The following TBC1D31 variants were observed in gnomAD, a reference collection of about 807,000 sequenced individuals.
The protein encoded by TBC1D31 is TBC1 domain family member 31.
A neutral mutation model predicts 132.9 loss-of-function variants in TBC1D31; 99 were observed. The observed-to-expected ratio is 0.74, with a 90% CI of 0.63 to 0.88. The LOEUF is 0.88. TBC1D31 is among the 40% of genes least tolerant of loss of function. The probability of loss-of-function intolerance (pLI) is 0.00; values close to 1 mark genes in which losing one functional copy is unlikely to be tolerated. For missense variants in TBC1D31, 1,134 were observed against 1,256.6 expected (o/e 0.90, Z 1.48); for synonymous variants, 385 against 419.4 (o/e 0.92, Z 1.00).
chr8:123,163,706 T>TG, the TBC1D31 span, among the ~76,000 whole-genome samples: 1 of 152,196 alleles, frequency 6.6e-6, no homozygotes, highest in African/African-American at 2.4e-5. Context: ...TCAATACCTT[T>TG]GGGGGGTACA....
chr8:123,101,101 A>C, intron 7 of TBC1D31, 94 bp downstream of exon 7: 1 of 945,804 alleles, frequency 1.1e-6, no homozygotes, highest in Non-Finnish European at 1.6e-6. Flanking sequence ...TTTCTAACTT[A>C]CCTGGAACTT....
At chr8:123,126,320 A>G in intron 12 of TBC1D31, 131 bp downstream of exon 12, 1 of 1,293,772 alleles carries the variant, frequency 7.7e-7, no homozygotes, top group Middle Eastern at 2.5e-4. Flanking sequence ...ACAGTATTCC[A>G]TTCTTTTTCT....
Position 123,126,598 on chromosome 8 carries a change from C to T in TBC1D31, c.1795C>T (p.His599Tyr). The T allele has an allele frequency of 6.2e-7, 1 of 1,613,854 alleles. No homozygotes were observed. Among genetic ancestry groups the T allele is most frequent in the Non-Finnish European group, 8.5e-7 (1 of 1,179,870 alleles). ...ATTGTTCGATAATATCTTTTCCAAC[C>T]ATCCTTCCTTCCTTCTGATGACTGT... ...LKLFDNIFSN[H>Y]PSFLLMTVVA... The change falls in exon 13 of 22, where the codon CAT becomes TAT. Residue 599 changes from histidine to tyrosine, a missense_variant. Coordinates refer to ENST00000287380, the MANE Select transcript of TBC1D31 (RefSeq NM_145647.4).
chr8:123,130,701 A>G (rs1294706231), intron 16 of TBC1D31, among the ~76,000 whole-genome samples: 1 of 149,660 alleles, frequency 6.7e-6, no homozygotes, highest in East Asian at 2.0e-4. Flanking sequence ...AGCTCAGTGC[A>G]ACCTCCGCCT....
intron 13 of TBC1D31, among the ~76,000 whole-genome samples, chr8:123,127,261 A>ATTTTTTTTTTTTTT (rs35198781): frequency 2.9e-5 from 2 of 69,924 alleles, no homozygotes; most frequent in African/African-American, 1.2e-4. Context: ...TGCTTTTTGC[A>ATTTTTTTTTTTTTT]TTTTTTTTTT....
At chr8:123,086,399 G>T (rs1016236430) in intron 4 of TBC1D31, among the ~76,000 whole-genome samples, 1 of 151,798 alleles carries the variant, frequency 6.6e-6, no homozygotes, top group Non-Finnish European at 1.5e-5. Flanking sequence ...ACAAAGACAC[G>T]GGGTCTGGAG....
intron 3 of TBC1D31, 97 bp from the exon 4 acceptor site, chr8:123,084,065 C>T: frequency 9.7e-7 from 1 of 1,026,734 alleles, no homozygotes; most frequent in South Asian, 1.5e-5. Context: ...TAATACCTAA[C>T]CACCCATTGC....
chr8:123,158,892 A>C, the TBC1D31 span, among the ~76,000 whole-genome samples: 3 of 152,020 alleles, frequency 2.0e-5, no homozygotes, highest in Non-Finnish European at 4.4e-5. Context: ...CCAGACCCGG[A>C]GACTGACACC....
chr8:123,153,851 A>T (rs1341257296), downstream of TBC1D31, among the ~76,000 whole-genome samples: 2 of 152,172 alleles, frequency 1.3e-5, no homozygotes, highest in African/African-American at 4.8e-5. Context: ...TATTTATTAC[A>T]TCCATAAAGT....
At chr8:123,152,627 T>G (rs11997694), downstream of TBC1D31, among the ~76,000 whole-genome samples, 5,232 of 152,220 alleles carry the variant, frequency 0.034, 297 homozygotes, top group African/African-American at 0.12. Flanking sequence ...TCCCAGCACT[T>G]TGGGAGGCTG....
intron 1 of TBC1D31, chr8:123,074,919 T>G (rs146923303): frequency 4.8e-4 from 73 of 152,372 alleles, no homozygotes; most frequent in African/African-American, 1.6e-3. Context: ...TGAGGAACTC[T>G]GTCAGGCAAT....
chr8:123,127,619 T>C (rs573168418), intron 13 of TBC1D31, among the ~76,000 whole-genome samples: 172 of 152,320 alleles, frequency 1.1e-3, no homozygotes, highest in Non-Finnish European at 2.1e-3. Flanking sequence ...TCTGTTATTC[T>C]GTGCATAATC....
chr8:123,158,111 C>A, the TBC1D31 span, among the ~76,000 whole-genome samples: 1 of 149,452 alleles, frequency 6.7e-6, no homozygotes, highest in African/African-American at 2.5e-5. Context: ...GCCCGCTCTC[C>A]TTTCCCTTTC....
chr8:123,163,719 T>C, the TBC1D31 span, among the ~76,000 whole-genome samples: 1 of 152,100 alleles, frequency 6.6e-6, no homozygotes, highest in African/African-American at 2.4e-5. Context: ...GGGGTACAGG[T>C]GGTTTTTGGT....
In TBC1D31 at chr8:123,126,510, A is replaced by G. The variant is rs372949457; in HGVS notation, c.1707A>G (p.Leu569=). 1 of 1,612,862 alleles carries G rather than the reference A, an allele frequency of 6.2e-7. No individual in the cohort carries two copies. The highest frequency in any genetic ancestry group is 8.5e-7 in the Non-Finnish European group (1 of 1,179,690). Residue 569 remains leucine (L), a splice_region_variant and synonymous_variant, in exon 13 of 22, where the codon CTA becomes CTG. Transcript: ENST00000287380. ...AAATTTTTCCTTATCTGTTTTAGCT[A>G]TATGCATGGCCTCTTCTTGAAACTG... ...HFIDHDITSQ[L]YAWPLLETVF... is the part of the protein sequence containing the mutation.
chr8:123,128,625 C>T (rs1191596803), intron 14 of TBC1D31, 112 bp downstream of exon 14: 1 of 827,200 alleles, frequency 1.2e-6, no homozygotes, highest in Non-Finnish European at 1.9e-6. Flanking sequence ...GCCTATAGTC[C>T]CAGCACTTTG....
At chr8:123,153,701 C>T (rs919277275), downstream of TBC1D31, among the ~76,000 whole-genome samples, 1 of 152,224 alleles carries the variant, frequency 6.6e-6, no homozygotes, top group African/African-American at 2.4e-5. Flanking sequence ...TATCTTCAAT[C>T]TTCAATTTCT....
chr8:123,101,182 A>G (rs1817382638), intron 7 of TBC1D31, 175 bp downstream of exon 7: 1 of 518,940 alleles, frequency 1.9e-6, no homozygotes, highest in Non-Finnish European at 3.4e-6. Flanking sequence ...TTTCTCACGT[A>G]TGCTCCATTC....
chr8:123,099,098 A>T (rs898382998), intron 6 of TBC1D31, among the ~76,000 whole-genome samples: 1 of 151,006 alleles, frequency 6.6e-6, no homozygotes, highest in Non-Finnish European at 1.5e-5. Flanking sequence ...TTTTTATTAC[A>T]TTTTTTTTTG....
Sources: allele counts gnomAD v4.1 joint callset (sites outside exome capture counted in the v4.1 genomes callset), GRCh38; gene constraint gnomAD v4.1.1; transcripts MANE v1.5; gene names NCBI Gene and HGNC (gene_info 2026-07-23, HGNC 2026-07-21).